The following SASH1 variants were observed in gnomAD, a reference collection of about 807,000 sequenced individuals.
The protein encoded by SASH1 is SAM and SH3 domain containing 1, also known as SAM and SH3 domain-containing protein 1.
A neutral mutation model predicts 125.2 loss-of-function variants in SASH1; 44 were observed. The observed-to-expected ratio is 0.35, with a 90% CI of 0.28 to 0.45. SASH1 has a LOEUF of 0.45. Ranked by LOEUF, SASH1 falls within the 20% of genes least tolerant of loss-of-function variation. SASH1 has a pLI of 1.00. For synonymous variants in SASH1, 639 were observed against 649.1 expected (o/e 0.98, Z 0.24); for missense variants, 1,426 against 1,614.5 (o/e 0.88, Z 2.00).
chr6:148,354,378 CA>C (rs1470977588), intron 1 of SASH1, among the ~76,000 whole-genome samples: 1 of 151,986 alleles, frequency 6.6e-6, no homozygotes, highest in African/African-American at 2.4e-5. Flanking sequence ...TATTTAGAAA[CA>C]TGTAAAATAT....
chr6:148,242,093 A>G, the SASH1 span, among the ~76,000 whole-genome samples: 38,462 of 152,136 alleles, frequency 0.25, 5,321 homozygotes, highest in South Asian at 0.31. Context: ...ACACACGGAC[A>G]TCGTAAGATA....
chr6:148,193,810 T>C, the SASH1 span, among the ~76,000 whole-genome samples: 1,007 of 152,324 alleles, frequency 6.6e-3, 10 homozygotes, highest in Middle Eastern at 0.027. Context: ...GAATGAATTG[T>C]TTGGCAGGAA....
intron 7 of SASH1, among the ~76,000 whole-genome samples, chr6:148,482,661 C>G (rs559965729): frequency 6.9e-6 from 1 of 144,190 alleles, no homozygotes; most frequent in East Asian, 2.0e-4. Context: ...AGCTTAGACT[C>G]TAGGCATGTG....
rs538399642 is a variant in SASH1 at position 148,499,122 on chromosome 6, A to G, written c.729+11407A>G. On this transcript the variant is annotated intron_variant, in intron 8 of 19. Coordinates refer to ENST00000367467, the MANE Select transcript of SASH1 (RefSeq NM_015278.5). ...GCCCAAGCTGGAGTGCAGTGGCACT[A>G]TCTCGGCTCACTGCAACAAAATTCT... 2.9e-4 allele frequency among the ~76,000 whole-genome samples: 43 copies of G among 145,972 alleles called. 1 individual carries two copies. In the East Asian group the frequency reaches 8.5e-3, roughly 29 times the overall value.
chr6:148,426,239 T>A (rs62432288), intron 2 of SASH1, among the ~76,000 whole-genome samples: 2 of 146,120 alleles, frequency 1.4e-5, no homozygotes, highest in African/African-American at 5.0e-5. Flanking sequence ...TAAATAAAAA[T>A]AATAATACTT....
the SASH1 span, among the ~76,000 whole-genome samples, chr6:148,265,578 A>G: frequency 2.6e-5 from 4 of 152,134 alleles, no homozygotes; most frequent in Non-Finnish European, 4.4e-5. Context: ...TGAGACCACA[A>G]AAAAATATGC....
At chr6:148,250,782 C>A in the SASH1 span, among the ~76,000 whole-genome samples, 1 of 151,992 alleles carries the variant, frequency 6.6e-6, no homozygotes. Context: ...GCTGGGTGGA[C>A]GAATTGTTAA....
chr6:148,511,372 CA>C (rs1562470107), intron 8 of SASH1, among the ~76,000 whole-genome samples: 1 of 133,784 alleles, frequency 7.5e-6, no homozygotes, highest in Non-Finnish European at 1.6e-5. Context: ...CACACACACA[CA>C]CCTTGGATGA....
intron 1 of SASH1, among the ~76,000 whole-genome samples, chr6:148,321,404 A>G (rs976476543): frequency 1.2e-4 from 18 of 152,232 alleles, no homozygotes; most frequent in African/African-American, 4.3e-4. Flanking sequence ...AAAAAAAAAA[A>G]AAAAGTAATG....
chr6:148,305,977 C>A (rs1329043985), intron 1 of SASH1, among the ~76,000 whole-genome samples: 4 of 152,176 alleles, frequency 2.6e-5, no homozygotes, highest in Non-Finnish European at 4.4e-5. Context: ...CCCCATTTAT[C>A]CTGGTGTGAT....
At chr6:148,318,438 CATTT>C (rs1228284982) in intron 1 of SASH1, among the ~76,000 whole-genome samples, 14 of 152,048 alleles carry the variant, frequency 9.2e-5, no homozygotes, top group African/African-American at 2.9e-4. Context: ...ATTTGACATT[CATTT>C]ATTTGTTTGT....
chr6:148,250,671 C>G, the SASH1 span, among the ~76,000 whole-genome samples: 2 of 151,306 alleles, frequency 1.3e-5, no homozygotes, highest in Admixed American at 1.3e-4. Context: ...GAATTAATTA[C>G]TTTGACATGC....
intron 11 of SASH1, among the ~76,000 whole-genome samples, chr6:148,526,525 A>G (rs549244184): frequency 6.6e-6 from 1 of 152,308 alleles, no homozygotes; most frequent in African/African-American, 2.4e-5. Context: ...GAATTAAACT[A>G]TTTTATTTGG....
chr6:148,284,783 A>G (rs1779439574), intron 1 of SASH1, among the ~76,000 whole-genome samples: 1 of 152,218 alleles, frequency 6.6e-6, no homozygotes, highest in Non-Finnish European at 1.5e-5. Flanking sequence ...AAGATTTTCA[A>G]ATTTAAACAA....
At chr6:148,512,841 TCTGTC>T in intron 8 of SASH1, 1 of 985,296 alleles carries the variant, frequency 1.0e-6, no homozygotes, top group Non-Finnish European at 1.2e-6. Flanking sequence ...GAGAAACACT[TCTGTC>T]CTGATGACTT....
chr6:148,352,608 A>C (rs1379848034), intron 1 of SASH1, among the ~76,000 whole-genome samples: 1 of 147,914 alleles, frequency 6.8e-6, no homozygotes, highest in Non-Finnish European at 1.5e-5. Flanking sequence ...TAAATAAATA[A>C]ATAAATAAAT....
chr6:148,544,948 C>T lies in SASH1; in HGVS notation c.3348+130C>T, dbSNP rs536336831. 1.0e-4 allele frequency: 77 copies of T among 759,922 alleles called. No homozygotes were observed. The highest frequency in any genetic ancestry group is 8.1e-4 in the African/African-American group (46 of 56,768). 47.1% of individuals were successfully genotyped at this position (759,922 alleles called of 1,614,324 possible). A position where few individuals can be genotyped will look rare whatever the true frequency, so the allele number is the denominator to read the frequency against. On this transcript the variant is annotated intron_variant, in intron 18 of 19. Transcript: ENST00000367467. This position sits in a 1 kb window ranked among gnomAD's most constrained non-coding sequence, Gnocchi z 6.4. ...AGTGGACAGGAGACACCTGAATCCA[C>T]GTGTCCACACCTTACTTGACATGCA...
chr6:148,459,569 C>G (rs1045526654), intron 4 of SASH1, among the ~76,000 whole-genome samples: 9 of 152,300 alleles, frequency 5.9e-5, no homozygotes, highest in African/African-American at 2.2e-4. Context: ...GGAGTGGGAT[C>G]TGTCCTTGGC....
chr6:148,288,138 T>A (rs1279009520), intron 1 of SASH1, among the ~76,000 whole-genome samples: 1 of 150,358 alleles, frequency 6.7e-6, no homozygotes, highest in Non-Finnish European at 1.5e-5. Context: ...AGCACCAAGC[T>A]GAAAACCCGC....
Sources: gnomAD v4.1 joint callset for allele counts (sites outside exome capture counted in the v4.1 genomes callset) on GRCh38, gnomAD v4.1.1 for gene constraint, Gnocchi (gnomAD v3.1) non-coding constraint, MANE v1.5 for transcripts, NCBI Gene and HGNC (gene_info 2026-07-23, HGNC 2026-07-21) for gene names.